The following ROBO1 variants were observed in gnomAD, a reference collection of about 807,000 sequenced individuals.
The protein encoded by ROBO1 is roundabout homolog 1.
ROBO1 carries 149 observed loss-of-function variants against 195.9 expected under a neutral mutation model. That is an observed-to-expected ratio of 0.76 (90% CI 0.67 to 0.87). The LOEUF (loss-of-function observed/expected upper bound fraction) is 0.87, where lower values mean the gene tolerates loss of function less well. Ranked by LOEUF, ROBO1 falls within the 40% of genes least tolerant of loss-of-function variation. The pLI is 0.00. For missense variants in ROBO1, 1,933 were observed against 2,068.3 expected (o/e 0.93, Z 1.27); for synonymous variants, 816 against 733.2 (o/e 1.11, Z -1.82).
At chr3:78,796,668 G>A (rs1343746240) in intron 4 of ROBO1, among the ~76,000 whole-genome samples, 1 of 152,028 alleles carries the variant, frequency 6.6e-6, no homozygotes, top group Non-Finnish European at 1.5e-5. Flanking sequence ...CTACCATCAA[G>A]TCCTGACAAT....
intron 2 of ROBO1, among the ~76,000 whole-genome samples, chr3:79,237,472 C>T (rs1395136839): frequency 9.6e-6 from 1 of 104,324 alleles, no homozygotes; most frequent in Non-Finnish European, 2.0e-5. Flanking sequence ...CAGAGCAAGA[C>T]TCCATCTCAA....
At chr3:79,063,609 G>A (rs1319620603) in intron 3 of ROBO1, among the ~76,000 whole-genome samples, 3 of 151,452 alleles carry the variant, frequency 2.0e-5, no homozygotes, top group African/African-American at 2.4e-5. Flanking sequence ...CTGGCCTTTG[G>A]TACAGTGGAT....
chr3:79,259,288 C>G (rs559832615), intron 2 of ROBO1, among the ~76,000 whole-genome samples: 1 of 151,978 alleles, frequency 6.6e-6, no homozygotes, highest in Non-Finnish European at 1.5e-5. Flanking sequence ...GCATGCAACA[C>G]CATGCCCAGT....
chr3:78,868,133 C>T (rs331146), intron 4 of ROBO1, among the ~76,000 whole-genome samples: 117,175 of 152,006 alleles, frequency 0.77, 45,336 homozygotes, highest in Middle Eastern at 0.87. Context: ...TTACTACTGA[C>T]GTAAGGTATA....
intron 2 of ROBO1, among the ~76,000 whole-genome samples, chr3:79,188,423 C>T (rs1287768580): frequency 6.6e-6 from 1 of 151,718 alleles, no homozygotes; most frequent in Non-Finnish European, 1.5e-5. Context: ...TAAGAGAATA[C>T]AGAAAACAAC....
At chr3:79,030,210 A>G (rs917289302) in intron 3 of ROBO1, among the ~76,000 whole-genome samples, 1 of 152,170 alleles carries the variant, frequency 6.6e-6, no homozygotes. Flanking sequence ...CCCTTACTGT[A>G]ATCCCTCCCC....
At chr3:78,673,000 A>C (rs1413575669) in intron 10 of ROBO1, among the ~76,000 whole-genome samples, 7 of 152,240 alleles carry the variant, frequency 4.6e-5, no homozygotes. Context: ...GCACCAAGTG[A>C]CTACTGAACA....
chr3:78,821,238 T>C (rs1302224462), intron 4 of ROBO1, among the ~76,000 whole-genome samples: 1 of 149,764 alleles, frequency 6.7e-6, no homozygotes, highest in Non-Finnish European at 1.5e-5. Context: ...CGATCTCGTC[T>C]CACTGCAGCC....
At chr3:79,467,797 A>T (rs1010580712) in intron 2 of ROBO1, among the ~76,000 whole-genome samples, 1 of 152,160 alleles carries the variant, frequency 6.6e-6, no homozygotes, top group African/African-American at 2.4e-5. Flanking sequence ...GGGCTAAAGG[A>T]ACATTGTAAC....
At chr3:78,714,705 G>T in intron 7 of ROBO1, 181 bp from the exon 8 acceptor site, 1 of 485,370 alleles carries the variant, frequency 2.1e-6, no homozygotes, top group Non-Finnish European at 3.5e-6. Flanking sequence ...ATAATTATGT[G>T]GACTAACATA....
intron 2 of ROBO1, among the ~76,000 whole-genome samples, chr3:79,203,868 T>G (rs765163623): frequency 3.3e-5 from 5 of 152,164 alleles, no homozygotes; most frequent in Non-Finnish European, 7.3e-5. Flanking sequence ...TTTATTTATT[T>G]TTTTCTTTCT....
intron 2 of ROBO1, among the ~76,000 whole-genome samples, chr3:79,187,497 A>G (rs1386316419): frequency 6.6e-6 from 1 of 152,042 alleles, no homozygotes; most frequent in Non-Finnish European, 1.5e-5. Flanking sequence ...CAATTACTGT[A>G]CTAATTTAAA....
intron 4 of ROBO1, among the ~76,000 whole-genome samples, chr3:78,770,523 C>T (rs1020070199): frequency 6.6e-6 from 1 of 152,112 alleles, no homozygotes. Context: ...ATTCTGAATA[C>T]AAGACTCTTG....
At chr3:79,713,163 C>T (rs1369448766) in intron 1 of ROBO1, among the ~76,000 whole-genome samples, 2 of 151,602 alleles carry the variant, frequency 1.3e-5, no homozygotes, top group South Asian at 4.2e-4. Flanking sequence ...CATTACAATG[C>T]ACCTACTCAC....
chr3:78,697,370 A>C (rs565665640), intron 8 of ROBO1, among the ~76,000 whole-genome samples: 1 of 152,270 alleles, frequency 6.6e-6, no homozygotes, highest in South Asian at 2.1e-4. Flanking sequence ...TGTTTGGAAA[A>C]ACATTATACA....
At chr3:79,680,132 T>C (rs975094813) in intron 1 of ROBO1, among the ~76,000 whole-genome samples, 2 of 151,996 alleles carry the variant, frequency 1.3e-5, no homozygotes, top group Admixed American at 1.3e-4. Context: ...GTAGAAAACA[T>C]TACCTCTCTC....
At chr3:79,366,781 A>G (rs2035994061) in intron 2 of ROBO1, among the ~76,000 whole-genome samples, 1 of 152,214 alleles carries the variant, frequency 6.6e-6, no homozygotes, top group Admixed American at 6.5e-5. Context: ...CTGAAGAAAC[A>G]GCTGGAATCC....
chr3:78,615,482 A>C (rs964748085), intron 27 of ROBO1, among the ~76,000 whole-genome samples: 1 of 152,180 alleles, frequency 6.6e-6, no homozygotes, highest in African/African-American at 2.4e-5. Flanking sequence ...AGAAACAATA[A>C]TCCCAGGTAC....
chr3:78,990,171 C>A (rs2077203069), intron 3 of ROBO1, among the ~76,000 whole-genome samples: 1 of 152,100 alleles, frequency 6.6e-6, no homozygotes, highest in African/African-American at 2.4e-5. Context: ...TTTCCTAATG[C>A]ACTAGATTTT....
Sources: gnomAD v4.1 joint callset for allele counts (sites outside exome capture counted in the v4.1 genomes callset) on GRCh38, gnomAD v4.1.1 for gene constraint, MANE v1.5 for transcripts, NCBI Gene and HGNC (gene_info 2026-07-23, HGNC 2026-07-21) for gene names.